The following PTPRD variants were observed in gnomAD, a reference collection of about 807,000 sequenced individuals.
PTPRD encodes the protein protein tyrosine phosphatase receptor type D, also known as receptor-type tyrosine-protein phosphatase delta.
Under a neutral mutation model 214.5 loss-of-function variants are expected in PTPRD, and 34 were observed. That is an observed-to-expected ratio of 0.16 (90% confidence interval 0.12 to 0.21). The LOEUF is 0.21. Ranked by LOEUF, PTPRD falls within the 10% of genes least tolerant of loss-of-function variation. The pLI, the probability that PTPRD is intolerant of heterozygous loss-of-function variation, is 1.00. For synonymous variants in PTPRD, 1,128 were observed against 845.7 expected (o/e 1.33, Z -5.79); for missense variants, 2,545 against 2,398.7 (o/e 1.06, Z -1.27).
chr9:10,387,542 C>T (rs1202191490), intron 2 of PTPRD, among the ~76,000 whole-genome samples: 1 of 151,786 alleles, frequency 6.6e-6, no homozygotes, highest in East Asian at 2.0e-4. Context: ...CGCCTTTCCT[C>T]CCTGGGAAAT....
rs960011206 is a variant in PTPRD at position 10,482,143 on chromosome 9, G to A, written c.-600+130255C>T. ...TCCCAGCATTTTGGGAGGCCCAGGC[G>A]GGAGAATCACGAGGTCAGGAGATTG... On this transcript the variant is annotated intron_variant, in intron 2 of 45. Transcript: ENST00000381196. Among the ~76,000 whole-genome samples, 8 of 152,088 alleles carry A rather than the reference G, an allele frequency of 5.3e-5. 1 individual carries two copies. Among genetic ancestry groups the A allele is most frequent in the Admixed American group, 2.0e-4 (3 of 15,274 alleles).
intron 5 of PTPRD, among the ~76,000 whole-genome samples, chr9:9,792,893 A>G (rs1375597959): frequency 1.3e-5 from 2 of 152,178 alleles, no homozygotes; most frequent in African/African-American, 4.8e-5. Flanking sequence ...TCATATAAAC[A>G]TGGTCTAAAT....
At position 10,139,004 on chromosome 9, in the gene PTPRD, C is replaced by T. The variant is rs138777411; in HGVS notation, c.-544-105214G>A. ...ACAAGGCAAAGATGCCCACTCTCAC[C>T]GCTGCTATTCAACATAGTATTGGAA... On this transcript the variant is annotated intron_variant, in intron 3 of 45. Transcript: ENST00000381196. 5.2e-3 allele frequency among the ~76,000 whole-genome samples: 787 copies of T among 152,086 alleles called. 6 individuals are homozygous for T. The highest frequency in any genetic ancestry group is 0.018 in the African/African-American group (735 of 41,494).
At chr9:10,334,238 G>A (rs568382477) in intron 3 of PTPRD, among the ~76,000 whole-genome samples, 2 of 151,826 alleles carry the variant, frequency 1.3e-5, no homozygotes, top group African/African-American at 4.8e-5. Context: ...ATACCTATAT[G>A]TTATATCAAA....
At chr9:8,821,383 A>G (rs899382742) in intron 11 of PTPRD, among the ~76,000 whole-genome samples, 4 of 152,274 alleles carry the variant, frequency 2.6e-5, no homozygotes, top group Middle Eastern at 3.4e-3. Flanking sequence ...TGTGGGTGCC[A>G]TAGTCTACCC....
intron 7 of PTPRD, among the ~76,000 whole-genome samples, chr9:9,715,747 G>A (rs555241055): frequency 3.9e-5 from 6 of 152,182 alleles, no homozygotes; most frequent in African/African-American, 9.6e-5. Context: ...TTCAAAGAGA[G>A]GTTAATCAAA....
chr9:8,414,152 G>A (rs1273548841), intron 35 of PTPRD, among the ~76,000 whole-genome samples: 3 of 151,862 alleles, frequency 2.0e-5, no homozygotes, highest in African/African-American at 7.3e-5. Flanking sequence ...CTCAGCCAAA[G>A]GTGTGATGAT....
intron 5 of PTPRD, among the ~76,000 whole-genome samples, chr9:9,832,092 G>A (rs145666715): frequency 6.6e-6 from 1 of 152,010 alleles, no homozygotes; most frequent in African/African-American, 2.4e-5. Context: ...AGTATATAAG[G>A]GTAATAACTT....
chr9:10,432,445 A>G (rs1278537409), intron 2 of PTPRD, among the ~76,000 whole-genome samples: 9 of 152,000 alleles, frequency 5.9e-5, no homozygotes, highest in East Asian at 1.9e-4. Flanking sequence ...ATAAAAAAAA[A>G]AGAAAGGTTT....
intron 8 of PTPRD, among the ~76,000 whole-genome samples, chr9:9,410,782 A>G (rs1177793442): frequency 2.0e-5 from 3 of 152,154 alleles, no homozygotes; most frequent in African/African-American, 7.2e-5. Flanking sequence ...ACTGTATATT[A>G]AAACTATTAT....
chr9:9,577,273 G>A (rs2089194301), intron 7 of PTPRD, among the ~76,000 whole-genome samples: 1 of 152,086 alleles, frequency 6.6e-6, no homozygotes, highest in African/African-American at 2.4e-5. Context: ...ATTTAAAAAG[G>A]AAAGCATTGG....
intron 6 of PTPRD, among the ~76,000 whole-genome samples, chr9:9,754,553 CATTTT>C (rs2154471107): frequency 6.6e-6 from 1 of 152,068 alleles, no homozygotes; most frequent in African/African-American, 2.4e-5. Context: ...ATCTTTGAGA[CATTTT>C]ATTAACAAAC....
chr9:9,788,566 G>C (rs201434011), intron 5 of PTPRD, among the ~76,000 whole-genome samples: 1 of 118,536 alleles, frequency 8.4e-6, no homozygotes, highest in Non-Finnish European at 1.8e-5. Flanking sequence ...AAAAAAAAAA[G>C]AAAGAAAAAA....
At chr9:10,395,253 C>T (rs957271508) in intron 2 of PTPRD, among the ~76,000 whole-genome samples, 5 of 149,904 alleles carry the variant, frequency 3.3e-5, no homozygotes, top group African/African-American at 9.8e-5. Flanking sequence ...CCTCCCCCAT[C>T]CCCCCACCCC....
intron 10 of PTPRD, among the ~76,000 whole-genome samples, chr9:9,020,785 G>C (rs1327994674): frequency 6.6e-6 from 1 of 152,144 alleles, no homozygotes; most frequent in Non-Finnish European, 1.5e-5. Context: ...AAGAGAGTGA[G>C]TGGCTGTCAT....
At position 8,535,630 on chromosome 9, in the gene PTPRD, T is replaced by A. The variant is rs1258277421; in HGVS notation, c.353-6851A>T. Among the ~76,000 whole-genome samples the A allele has an allele frequency of 2.6e-5, 4 of 152,052 alleles. No individual in the cohort carries two copies. In the East Asian group the frequency reaches 5.8e-4, roughly 22 times the overall value. Reference sequence around the variant, plus strand: ...TCAGGGAAGGGGCATTAAGTATTCCTCATCTTGGGGAGTAGGTCATGTTAA... The same window carrying A: ...TCAGGGAAGGGGCATTAAGTATTCCACATCTTGGGGAGTAGGTCATGTTAA... On this transcript the variant is annotated intron_variant, in intron 14 of 45. Coordinates refer to ENST00000381196, the MANE Select transcript of PTPRD (RefSeq NM_002839.4).
chr9:8,769,042 T>C (rs1045770687), intron 11 of PTPRD, among the ~76,000 whole-genome samples: 2 of 152,182 alleles, frequency 1.3e-5, no homozygotes, highest in African/African-American at 4.8e-5. Flanking sequence ...ACCCACCTAA[T>C]TCTGTGTGTT....
chr9:8,877,115 T>C (rs891934728), intron 11 of PTPRD, among the ~76,000 whole-genome samples: 6 of 151,990 alleles, frequency 3.9e-5, no homozygotes, highest in Admixed American at 6.6e-5. Flanking sequence ...TTAGTAGAGA[T>C]GGGGTTTCGC....
At chr9:10,190,427 G>C (rs1210458205) in intron 3 of PTPRD, among the ~76,000 whole-genome samples, 2 of 90,726 alleles carry the variant, frequency 2.2e-5, no homozygotes, top group East Asian at 3.2e-4. Flanking sequence ...AAAACAAAAA[G>C]TCAAAGTGGG....
Sources: allele counts gnomAD v4.1 joint callset (sites outside exome capture counted in the v4.1 genomes callset), GRCh38; gene constraint gnomAD v4.1.1; transcripts MANE v1.5; gene names NCBI Gene and HGNC (gene_info 2026-07-23, HGNC 2026-07-21).